The following HDAC4 variants were observed in gnomAD, a reference collection of about 807,000 sequenced individuals.
The protein encoded by HDAC4 is histone deacetylase A.
A neutral mutation model predicts 135.1 loss-of-function variants in HDAC4; 16 were observed. The ratio of observed to expected loss-of-function variants is 0.12; its 90% confidence interval spans 0.08 to 0.18. HDAC4 has a LOEUF of 0.18. Ranked by LOEUF, HDAC4 falls within the 10% of genes least tolerant of loss-of-function variation. The pLI is 1.00. For missense variants in HDAC4, 1,143 were observed against 1,511.8 expected (o/e 0.76, Z 4.05); for synonymous variants, 685 against 653.4 (o/e 1.05, Z -0.74).
rs1191259771 is a variant in HDAC4 at position 239,082,026 on chromosome 2, C to T, written c.2652+76G>A. On this transcript the variant is annotated intron_variant, in intron 21 of 26. Transcript: ENST00000543185. ...CTCACTGCTGCCGGGCAGCTGTGGA[C>T]CGTCTGCCCCGTGCCCCCACAGCGG... The T allele has an allele frequency of 1.2e-5, 18 of 1,509,778 alleles. No individual in the cohort carries two copies. The Admixed American group carries it at 2.7e-4, about 23-fold the overall frequency. 93.5% of individuals were successfully genotyped at this position (1,509,778 alleles called of 1,614,324 possible). A position where few individuals can be genotyped will look rare whatever the true frequency, so the allele number is the denominator to read the frequency against.
chr2:239,211,382 G>C (rs2046347434), intron 3 of HDAC4, among the ~76,000 whole-genome samples: 3 of 152,194 alleles, frequency 2.0e-5, no homozygotes, highest in African/African-American at 4.8e-5. Flanking sequence ...TCTCCTGGGG[G>C]CCGAAAGTCC....
intron 12 of HDAC4, 99 bp downstream of exon 12, chr2:239,126,357 T>C: frequency 6.3e-7 from 1 of 1,592,644 alleles, no homozygotes; most frequent in Non-Finnish European, 8.5e-7. Flanking sequence ...CCTCCTGGCC[T>C]CCCTTAAGGT....
intron 4 of HDAC4, among the ~76,000 whole-genome samples, chr2:239,177,128 G>C (rs918568953): frequency 1.1e-4 from 16 of 152,184 alleles, no homozygotes; most frequent in African/African-American, 3.6e-4. Context: ...TCATCAAAGA[G>C]AATACCACCT....
intron 3 of HDAC4, among the ~76,000 whole-genome samples, chr2:239,203,198 T>C (rs934044775): frequency 3.3e-5 from 5 of 152,184 alleles, no homozygotes; most frequent in Non-Finnish European, 5.9e-5. Flanking sequence ...AAGCCCAGTG[T>C]GGATGCCTAG....
chr2:239,181,856 G>A (rs1335057025), intron 4 of HDAC4, among the ~76,000 whole-genome samples: 1 of 152,238 alleles, frequency 6.6e-6, no homozygotes. Flanking sequence ...GCTTGCCTCC[G>A]TGCGGCCTGA....
At chr2:239,077,663 GA>G (rs1156576148) in intron 22 of HDAC4, among the ~76,000 whole-genome samples, 1 of 152,244 alleles carries the variant, frequency 6.6e-6, no homozygotes, top group East Asian at 1.9e-4. Context: ...CGGTCTGTAT[GA>G]AAACTTCATA....
chr2:239,080,582 C>T (rs1237018449), intron 22 of HDAC4, among the ~76,000 whole-genome samples: 3 of 16,854 alleles, frequency 1.8e-4, no homozygotes, highest in South Asian at 9.2e-3. Flanking sequence ...GCAAACACTG[C>T]GTCTTTAAAC....
chr2:239,129,746 AAC>A (rs1224949544), intron 11 of HDAC4, among the ~76,000 whole-genome samples: 1 of 152,120 alleles, frequency 6.6e-6, no homozygotes, highest in African/African-American at 2.4e-5. Flanking sequence ...TCCATACTCT[AAC>A]ACACAATCAC....
intron 6 of HDAC4, among the ~76,000 whole-genome samples, chr2:239,160,639 C>A (rs76508244): frequency 3.3e-5 from 5 of 152,360 alleles, no homozygotes; most frequent in African/African-American, 1.2e-4. Context: ...CAGGCGCCAG[C>A]GGTCCGTTCC....
chr2:239,365,930 C>T (rs772739490), intron 1 of HDAC4, among the ~76,000 whole-genome samples: 4 of 151,754 alleles, frequency 2.6e-5, no homozygotes, highest in South Asian at 4.2e-4. Context: ...CAGGGTCACG[C>T]GTGTGGCACT....
At chr2:239,246,176 C>T (rs551314314) in intron 2 of HDAC4, among the ~76,000 whole-genome samples, 6 of 152,270 alleles carry the variant, frequency 3.9e-5, no homozygotes, top group African/African-American at 7.2e-5. Flanking sequence ...CCGCTGGACA[C>T]GCAGACTCAG....
At chr2:239,168,577 G>A (rs2043252630) in intron 5 of HDAC4, among the ~76,000 whole-genome samples, 1 of 152,188 alleles carries the variant, frequency 6.6e-6, no homozygotes, top group South Asian at 2.1e-4. Context: ...AAAAACCCAA[G>A]AGAATAAACA....
intron 7 of HDAC4, chr2:239,155,425 C>T (rs1174627147): frequency 6.8e-6 from 1 of 147,484 alleles, no homozygotes; most frequent in Non-Finnish European, 1.5e-5. Flanking sequence ...TGGCCCACTC[C>T]ACCTGGGACA....
intron 2 of HDAC4, among the ~76,000 whole-genome samples, chr2:239,238,286 G>C (rs973616190): frequency 6.6e-6 from 1 of 151,996 alleles, no homozygotes; most frequent in Non-Finnish European, 1.5e-5. Flanking sequence ...TAAAAAATTC[G>C]AAAAGGTGCC....
At position 239,313,601 on chromosome 2, in the gene HDAC4, G is replaced by A. The variant is rs190645503; in HGVS notation, c.22+39077C>T. ...GGCCCTTAGCACCTCCTGACCCCCCGATCTCCCAGACTCTCTGCTGGAAGT... is the reference window on the plus strand; with the variant it reads ...GGCCCTTAGCACCTCCTGACCCCCCAATCTCCCAGACTCTCTGCTGGAAGT... On this transcript the variant is annotated intron_variant, in intron 2 of 26. Transcript: ENST00000543185. The surrounding 1 kb of genome is among the most constrained non-coding windows in gnomAD (Gnocchi z 5.1). 3.2e-4 allele frequency among the ~76,000 whole-genome samples: 49 copies of A among 152,198 alleles called. No individual in the cohort carries two copies. In the East Asian group the frequency reaches 7.0e-3, roughly 22 times the overall value.
chr2:239,320,313 C>T (rs1200046341), intron 2 of HDAC4, among the ~76,000 whole-genome samples: 3 of 138,430 alleles, frequency 2.2e-5, no homozygotes, highest in African/African-American at 8.1e-5. Context: ...ACCTGGGAGG[C>T]GGAGGGTGCA....
intron 5 of HDAC4, among the ~76,000 whole-genome samples, chr2:239,172,245 A>G (rs891235450): frequency 6.7e-6 from 1 of 150,264 alleles, no homozygotes; most frequent in Non-Finnish European, 1.5e-5. Flanking sequence ...TCCTACTGAT[A>G]ATCAGTAAAG....
rs376128866 is a variant in HDAC4, at chr2:239,139,675, C to T, written c.978+9G>A. 2.5e-5 allele frequency: 40 copies of T among 1,611,022 alleles called. No homozygotes were observed. The Middle Eastern group carries it at 5.0e-4, about 20-fold the overall frequency. Reference sequence around the variant, plus strand: ...GCCGTAGGACACAGGACAAACGCTTCGCACTGACCTCCGCCGGGATGCTGG... The same window carrying T: ...GCCGTAGGACACAGGACAAACGCTTTGCACTGACCTCCGCCGGGATGCTGG... On this transcript the variant is annotated intron_variant, in intron 9 of 26. Coordinates refer to ENST00000543185, the MANE Select transcript of HDAC4 (RefSeq NM_001378414.1). The surrounding 1 kb of genome is among the most constrained non-coding windows in gnomAD (Gnocchi z 5.3).
At chr2:239,198,442 C>A (rs921497614) in intron 3 of HDAC4, among the ~76,000 whole-genome samples, 5 of 152,142 alleles carry the variant, frequency 3.3e-5, no homozygotes, top group Non-Finnish European at 5.9e-5. Context: ...AGAGCTGGGC[C>A]TTCAGTGTAC....
Sources: gnomAD v4.1 joint callset for allele counts (sites outside exome capture counted in the v4.1 genomes callset) on GRCh38, gnomAD v4.1.1 for gene constraint, Gnocchi (gnomAD v3.1) non-coding constraint, MANE v1.5 for transcripts, NCBI Gene and HGNC (gene_info 2026-07-23, HGNC 2026-07-21) for gene names.